Variants in ZC3H7B observed in about 807,000 individuals in gnomAD.
ZC3H7B encodes the protein zinc finger CCCH domain-containing protein 7B.
In ZC3H7B, 35 loss-of-function variants were observed where a neutral mutation model predicts 116.0. The ratio of observed to expected loss-of-function variants is 0.30; its 90% CI spans 0.23 to 0.40. The LOEUF is 0.40. Ranked by LOEUF, ZC3H7B falls within the 10% of genes least tolerant of loss-of-function variation. The probability of loss-of-function intolerance (pLI) is 1.00; values close to 1 mark genes in which losing one functional copy is unlikely to be tolerated. For missense variants in ZC3H7B, 1,011 were observed against 1,321.5 expected, an observed-to-expected ratio of 0.77 and a Z score of 3.64; for synonymous variants, 502 against 545.6, an observed-to-expected ratio of 0.92 and a Z score of 1.11.
rs1472667103 is a variant in ZC3H7B at position 41,346,041 on chromosome 22, T to C, written c.1498T>C (p.Cys500Arg). Residue 500 changes from cysteine (C) to arginine (R), a missense_variant, in exon 14 of 23, where the codon TGC becomes CGC. By Grantham distance (180) the Cys-to-Arg change is radical. This residue lies in a region of ZC3H7B where 179 missense variants were observed against 178.5 expected (regional missense o/e 1.00). Coordinates refer to ENST00000352645, the MANE Select transcript of ZC3H7B (RefSeq NM_017590.6). The surrounding 1 kb of genome is among the most constrained non-coding windows in gnomAD (Gnocchi z 5.3). ...GCAGGACTGTAAGTACGGGGATAAC[T>C]GCACCTTCGCCTACCATCAGGAGGA... ...NKQDCKYGDNCTFAYHQEEID... is the reference protein window; with the variant it reads ...NKQDCKYGDNRTFAYHQEEID... The C allele has an allele frequency of 2.5e-6, 4 of 1,613,996 alleles. No individual in the cohort carries two copies. Among genetic ancestry groups the C allele is most frequent in the Non-Finnish European group, 1.7e-6 (2 of 1,180,030 alleles).
intron 4 of ZC3H7B, 31 bp downstream of exon 4, chr22:41,325,949 T>A: frequency 6.4e-7 from 1 of 1,571,746 alleles, no homozygotes; most frequent in Non-Finnish European, 8.6e-7. Context: ...TCTCTCCTCC[T>A]CTGCTGCCCT....
chr22:41,312,377 A>C (rs891226755), intron 1 of ZC3H7B, among the ~76,000 whole-genome samples: 18 of 151,592 alleles, frequency 1.2e-4, no homozygotes, highest in Admixed American at 3.3e-4. Flanking sequence ...CTGAGGCTGC[A>C]ATGAGCTGAG....
chr22:41,307,591 G>A (rs2145894808), intron 1 of ZC3H7B, among the ~76,000 whole-genome samples: 1 of 152,288 alleles, frequency 6.6e-6, no homozygotes, highest in East Asian at 1.9e-4. Flanking sequence ...GGTGGGGATC[G>A]TGGGGATACG....
chr22:41,347,645 A>G (rs376210537), intron 14 of ZC3H7B, among the ~76,000 whole-genome samples: 48 of 152,052 alleles, frequency 3.2e-4, no homozygotes, highest in Middle Eastern at 3.4e-3. Flanking sequence ...TCCAACCCTC[A>G]TCCCTGGCAC....
rs556708321 is a variant in ZC3H7B at position 41,326,865 on chromosome 22, A to T, written c.286-341A>T. Among the ~76,000 whole-genome samples the T allele has an allele frequency of 2.1e-3, 318 of 152,190 alleles. 11 individuals are homozygous for T. The South Asian group carries it at 0.064, about 31-fold the overall frequency. ...ACTGCCTCTTAGAGATGCCATTGTT[A>T]CTCTCAGCTCATCATGTTCCCAACC... is the stretch of plus-strand genomic sequence containing the variant. On this transcript the variant is annotated intron_variant, in intron 4 of 22. Transcript: ENST00000352645.
At chr22:41,325,481 C>T in intron 2 of ZC3H7B, 83 bp from the exon 3 acceptor site, 1 of 1,545,810 alleles carries the variant, frequency 6.5e-7, no homozygotes. Flanking sequence ...TGGCTGAGGT[C>T]TGAGTTGGAG....
rs8141517 is a variant in ZC3H7B at position 41,302,718 on chromosome 22, C to T, written c.-7+946C>T. On this transcript the variant is annotated intron_variant, in intron 1 of 22. Coordinates refer to ENST00000352645, the MANE Select transcript of ZC3H7B (RefSeq NM_017590.6). The surrounding 1 kb of genome is among the most constrained non-coding windows in gnomAD (Gnocchi z 5.7). ...GGGGGACTTTCACAGACAAAGCCGT[C>T]TTCCCAGGGGGGAAAATAATCATAT... Among the ~76,000 whole-genome samples, 2,178 of 152,330 alleles carry T rather than the reference C, an allele frequency of 0.014. 48 individuals carry two copies. Among genetic ancestry groups the T allele is most frequent in the African/African-American group, 0.05 (2,061 of 41,566 alleles).
chr22:41,356,900 G>C, intron 22 of ZC3H7B, 92 bp downstream of exon 22: 1 of 1,567,050 alleles, frequency 6.4e-7, no homozygotes, highest in East Asian at 2.2e-5. Flanking sequence ...GCCTGGAGGT[G>C]GTGTGCAGGG....
chr22:41,337,181 A>C (rs1274723106), intron 7 of ZC3H7B, among the ~76,000 whole-genome samples: 1 of 152,026 alleles, frequency 6.6e-6, no homozygotes, highest in Non-Finnish European at 1.5e-5. Flanking sequence ...CAAAAAAGTT[A>C]GTCAGGCGTG....
chr22:41,332,966 G>A (rs1211296981), intron 7 of ZC3H7B: 1 of 152,314 alleles, frequency 6.6e-6, no homozygotes, highest in African/African-American at 2.4e-5. Flanking sequence ...TCATCCCAGG[G>A]GGGTGAGGCA....
intron 1 of ZC3H7B, among the ~76,000 whole-genome samples, chr22:41,315,288 C>T (rs1313397838): frequency 6.6e-6 from 1 of 151,866 alleles, no homozygotes; most frequent in Non-Finnish European, 1.5e-5. Context: ...GCAATCCTTC[C>T]AGCACAGCTT....
At chr22:41,341,225 C>G in intron 11 of ZC3H7B, 79 bp downstream of exon 11, 2 of 1,554,386 alleles carry the variant, frequency 1.3e-6, no homozygotes, top group Non-Finnish European at 1.8e-6. Context: ...AATGAGCCCT[C>G]TGCATGGGGT....
chr22:41,306,373 CTTT>C (rs150362292), intron 1 of ZC3H7B, among the ~76,000 whole-genome samples: 7 of 136,128 alleles, frequency 5.1e-5, no homozygotes, highest in Non-Finnish European at 4.7e-5. Context: ...TTATTTAATT[CTTT>C]TTTTTTTTTT....
chr22:41,355,380 G>T, intron 17 of ZC3H7B, 89 bp from the exon 18 acceptor site: 1 of 1,538,512 alleles, frequency 6.5e-7, no homozygotes, highest in Non-Finnish European at 8.8e-7. Context: ...TTATTCCAAG[G>T]CTCTCCCAGA....
intron 6 of ZC3H7B, among the ~76,000 whole-genome samples, chr22:41,331,343 G>C (rs1306567919): frequency 1.3e-5 from 2 of 150,428 alleles, no homozygotes; most frequent in Non-Finnish European, 3.0e-5. Flanking sequence ...GAGGTCAGGA[G>C]ATCGAGACCA....
Position 41,338,423 on chromosome 22 carries a change from C to A in ZC3H7B, c.625+68C>A. ...CGAGAGGTCAGGGGAGTCGAGCCCCCTCCCCATCCCAGCCCTGTAGATGGG... is the reference window on the plus strand; with the variant it reads ...CGAGAGGTCAGGGGAGTCGAGCCCCATCCCCATCCCAGCCCTGTAGATGGG... On this transcript the variant is annotated intron_variant, in intron 8 of 22. Coordinates refer to ENST00000352645, the MANE Select transcript of ZC3H7B (RefSeq NM_017590.6). The surrounding 1 kb of genome is among the most constrained non-coding windows in gnomAD (Gnocchi z 4.5). 6.5e-7 allele frequency: 1 copy of A among 1,546,154 alleles called. No individual in the cohort carries two copies. The highest frequency in any genetic ancestry group is 8.8e-7 in the Non-Finnish European group (1 of 1,130,736).
At chr22:41,340,212 A>G in intron 10 of ZC3H7B, 75 bp downstream of exon 10, 1 of 1,422,042 alleles carries the variant, frequency 7.0e-7, no homozygotes, top group Non-Finnish European at 9.4e-7. Context: ...GTGCCTGGAG[A>G]GTGGAGTTGA....
chr22:41,339,355 G>A (rs998766875), intron 9 of ZC3H7B, among the ~76,000 whole-genome samples, 164 bp downstream of exon 9: 15 of 152,168 alleles, frequency 9.9e-5, no homozygotes, highest in Admixed American at 2.0e-4. Flanking sequence ...CACTGGGCAC[G>A]GTGGCTCACG....
intron 1 of ZC3H7B, among the ~76,000 whole-genome samples, chr22:41,313,496 G>T (rs2036144544): frequency 6.6e-6 from 1 of 152,204 alleles, no homozygotes. Flanking sequence ...AGGTTCACCT[G>T]AGTGCCTGGG....
Sources: allele counts gnomAD v4.1 joint callset (sites outside exome capture counted in the v4.1 genomes callset), GRCh38; gene constraint gnomAD v4.1.1; regional missense constraint gnomAD v4.1.1; non-coding constraint Gnocchi (gnomAD v3.1); transcripts MANE v1.5; gene names NCBI Gene and HGNC (gene_info 2026-07-23, HGNC 2026-07-21).